SREK1IP1: variants seen among roughly 807,000 people sequenced by gnomAD.
SREK1IP1 encodes the protein protein SREK1IP1.
SREK1IP1 carries 12 observed loss-of-function variants against 22.8 expected under a neutral mutation model. The observed-to-expected ratio is 0.53, with a 90% CI of 0.34 to 0.85. The LOEUF is 0.85. SREK1IP1 is among the 40% of genes least tolerant of loss of function. SREK1IP1 has a pLI of 0.02. For missense variants in SREK1IP1, 147 were observed against 171.8 expected, an observed-to-expected ratio of 0.86 and a Z score of 0.81; for synonymous variants, 53 against 52.7, an observed-to-expected ratio of 1.01 and a Z score of -0.02.
At chr5:64,729,053 G>A (rs6876454) in intron 3 of SREK1IP1, among the ~76,000 whole-genome samples, 49 of 152,178 alleles carry the variant, frequency 3.2e-4, no homozygotes, top group African/African-American at 1.1e-3. Context: ...TTAGCCAGGC[G>A]TGGCGGCAGG....
chr5:64,760,412 G>GA (rs1742928737), intron 1 of SREK1IP1, among the ~76,000 whole-genome samples: 1 of 152,172 alleles, frequency 6.6e-6, no homozygotes, highest in African/African-American at 2.4e-5. Flanking sequence ...GGGAGGTGGG[G>GA]GGAAAGTCTC....
rs1367260792 is a variant in SREK1IP1, at chr5:64,719,235, C to G, written c.*5149G>C. Reference sequence around the variant, plus strand: ...CATTTATTTAATTAATTTAAATAACCCTATGTGGCTATACTGGCACCATAG... The same window carrying G: ...CATTTATTTAATTAATTTAAATAACGCTATGTGGCTATACTGGCACCATAG... On this transcript the variant is annotated 3_prime_UTR_variant, in exon 5 of 5. Transcript: ENST00000513458. 2 of 151,994 alleles carry G rather than the reference C, an allele frequency of 1.3e-5. No homozygotes were observed. Among genetic ancestry groups the G allele is most frequent in the Non-Finnish European group, 2.9e-5 (2 of 67,990 alleles). The allele number at this position is 151,994 out of a possible 1,614,324, so 9.4% of individuals were successfully genotyped here. A position where few individuals can be genotyped will look rare whatever the true frequency, so the allele number is the denominator to read the frequency against.
intron 2 of SREK1IP1, among the ~76,000 whole-genome samples, chr5:64,752,548 T>C (rs1211913961): frequency 1.3e-5 from 2 of 152,102 alleles, no homozygotes; most frequent in Non-Finnish European, 2.9e-5. Context: ...CTCAAAACTT[T>C]AAAAAACAAT....
intron 2 of SREK1IP1, among the ~76,000 whole-genome samples, chr5:64,751,050 A>G (rs1319341404): frequency 2.6e-5 from 4 of 152,160 alleles, no homozygotes; most frequent in African/African-American, 9.7e-5. Flanking sequence ...GCCTGAATCT[A>G]CACACTTTGT....
At chr5:64,731,777 C>A (rs1425623241) in intron 3 of SREK1IP1, among the ~76,000 whole-genome samples, 3 of 151,794 alleles carry the variant, frequency 2.0e-5, no homozygotes, top group Non-Finnish European at 2.9e-5. Flanking sequence ...ATGGCCAGAC[C>A]AAAGATAAAA....
chr5:64,751,312 G>T (rs1742736981), intron 2 of SREK1IP1, among the ~76,000 whole-genome samples: 1 of 152,060 alleles, frequency 6.6e-6, no homozygotes, highest in Non-Finnish European at 1.5e-5. Context: ...ACTCTATGAG[G>T]AGTCTGTTAT....
At chr5:64,764,768 G>A (rs1187078485) in intron 1 of SREK1IP1, among the ~76,000 whole-genome samples, 1 of 152,090 alleles carries the variant, frequency 6.6e-6, no homozygotes, top group African/African-American at 2.4e-5. Flanking sequence ...TCAGATATAT[G>A]ATTCAGGAAA....
intron 2 of SREK1IP1, 120 bp from the exon 3 acceptor site, chr5:64,741,320 A>G: frequency 1.0e-6 from 1 of 985,840 alleles, no homozygotes; most frequent in South Asian, 1.6e-5. Context: ...TAATGTAGAA[A>G]GCTTTAACTT....
intron 1 of SREK1IP1, among the ~76,000 whole-genome samples, chr5:64,766,612 G>A (rs913930358): frequency 1.3e-5 from 2 of 152,214 alleles, no homozygotes; most frequent in Admixed American, 1.3e-4. Flanking sequence ...CCTGCCATCT[G>A]TAGGATAATG....
chr5:64,757,891 A>T, intron 1 of SREK1IP1, among the ~76,000 whole-genome samples: 2 of 62,896 alleles, frequency 3.2e-5, no homozygotes, highest in East Asian at 5.8e-4. Context: ...TTTTTTTGAG[A>T]CGGAGTCTGC....
At chr5:64,730,434 GA>G (rs900944236) in intron 3 of SREK1IP1, among the ~76,000 whole-genome samples, 1 of 151,504 alleles carries the variant, frequency 6.6e-6, no homozygotes, top group African/African-American at 2.4e-5. Context: ...TGGGAAAAAC[GA>G]AAAAAAATTG....
At chr5:64,740,088 C>T (rs994657498) in intron 3 of SREK1IP1, among the ~76,000 whole-genome samples, 2 of 151,954 alleles carry the variant, frequency 1.3e-5, no homozygotes, top group African/African-American at 4.8e-5. Context: ...CACGTTTAAT[C>T]CCTAAAAACC....
Position 64,724,412 on chromosome 5 carries a change from G to A in SREK1IP1, c.440C>T (p.Pro147Leu). The A allele has an allele frequency of 6.4e-7, 1 of 1,569,840 alleles. No homozygotes were observed. The highest frequency in any genetic ancestry group is 8.6e-7 in the Non-Finnish European group (1 of 1,166,830). ...CTTTCTGGAGAATTCAGAACTATTA[G>A]GTGTAGAAGAATGCTTTTCCTTTTT... ...KRKKEKHSSTPNSSEFSRK is the reference protein window; with the variant it reads ...KRKKEKHSSTLNSSEFSRK Residue 147 changes from proline to leucine, a missense_variant, in exon 5 of 5, where the codon CCT (proline) becomes CTT (leucine). Transcript: ENST00000513458.
Position 64,719,011 on chromosome 5 carries a change from C to G in SREK1IP1, c.*5373G>C, listed in dbSNP as rs1437828592. 6.6e-6 allele frequency: 1 copy of G among 152,174 alleles called. No individual in the cohort carries two copies. The highest frequency in any genetic ancestry group is 2.4e-5 in the African/African-American group (1 of 41,430). The allele number at this position is 152,174 out of a possible 1,614,324, so 9.4% of individuals were successfully genotyped here. On this transcript the variant is annotated 3_prime_UTR_variant, in exon 5 of 5. Coordinates refer to ENST00000513458, the MANE Select transcript of SREK1IP1 (RefSeq NM_173829.4). Reference sequence around the variant, plus strand: ...TTATTTTTCTTGGGCATGCAAAGCTCAGGGTTACAAACTTTTCGTCATTAG... The same window carrying G: ...TTATTTTTCTTGGGCATGCAAAGCTGAGGGTTACAAACTTTTCGTCATTAG...
intron 2 of SREK1IP1, 75 bp from the exon 3 acceptor site, chr5:64,741,275 C>T: frequency 2.2e-6 from 3 of 1,342,360 alleles, no homozygotes; most frequent in Non-Finnish European, 2.1e-6. Context: ...GTTTTGCTGC[C>T]TCACGGTAAC....
chr5:64,724,248 G>T lies in SREK1IP1; in HGVS notation c.*136C>A. 2 of 721,614 alleles carry T rather than the reference G, an allele frequency of 2.8e-6. No homozygotes were observed. The highest frequency in any genetic ancestry group is 2.7e-5 in the South Asian group (1 of 37,498). 44.7% of individuals were successfully genotyped at this position (721,614 alleles called of 1,614,324 possible). A position where few individuals can be genotyped will look rare whatever the true frequency, so the allele number is the denominator to read the frequency against. On this transcript the variant is annotated 3_prime_UTR_variant, in exon 5 of 5. Transcript: ENST00000513458. ...AAAATATATTGCCAGAGGGATAATG[G>T]TCCCAAATACGAAAAATGTCTATAT...
intron 4 of SREK1IP1, chr5:64,727,553 A>ATATTTTTTT: frequency 2.4e-5 from 2 of 84,716 alleles, no homozygotes; most frequent in African/African-American, 1.1e-4. Flanking sequence ...ATATATATAT[A>ATATTTTTTT]TTTTTTTTTT....
chr5:64,768,332 C>G (rs1743097653), intron 1 of SREK1IP1, among the ~76,000 whole-genome samples, 173 bp downstream of exon 1: 1 of 152,202 alleles, frequency 6.6e-6, no homozygotes. Flanking sequence ...TTCTTTCCTT[C>G]AGAGTTTATG....
chr5:64,749,794 A>T (rs2112104150), intron 2 of SREK1IP1, among the ~76,000 whole-genome samples: 1 of 152,170 alleles, frequency 6.6e-6, no homozygotes, highest in Middle Eastern at 3.4e-3. Context: ...CCACTGACCT[A>T]GCTGATCATT....
Sources: allele counts gnomAD v4.1 joint callset (sites outside exome capture counted in the v4.1 genomes callset), GRCh38; gene constraint gnomAD v4.1.1; transcripts MANE v1.5; gene names NCBI Gene and HGNC (gene_info 2026-07-23, HGNC 2026-07-21).